FOXP2: variants seen among roughly 807,000 people sequenced by gnomAD.
The protein encoded by FOXP2 is forkhead box protein P2.
In FOXP2, 12 loss-of-function variants were observed where a neutral mutation model predicts 115.8. The ratio of observed to expected loss-of-function variants is 0.10; its 90% CI spans 0.07 to 0.17. The LOEUF is 0.17. Ranked by LOEUF, FOXP2 falls within the 10% of genes least tolerant of loss-of-function variation. The probability of loss-of-function intolerance (pLI) is 1.00; values close to 1 mark genes in which losing one functional copy is unlikely to be tolerated. For synonymous variants in FOXP2, 328 were observed against 297.7 expected (o/e 1.10, Z -1.05); for missense variants, 629 against 843.5 (o/e 0.75, Z 3.15).
chr7:114,519,997 A>G (rs1313646390), intron 2 of FOXP2, among the ~76,000 whole-genome samples: 1 of 152,154 alleles, frequency 6.6e-6, no homozygotes, highest in Non-Finnish European at 1.5e-5. Flanking sequence ...GTATGATAAA[A>G]CAGCTTACAT....
intron 2 of FOXP2, among the ~76,000 whole-genome samples, chr7:114,292,600 T>A (rs1796634588): frequency 6.6e-6 from 1 of 152,202 alleles, no homozygotes; most frequent in South Asian, 2.1e-4. Flanking sequence ...CCATTCTTTA[T>A]CTTTTTAAAG....
intron 1 of FOXP2, among the ~76,000 whole-genome samples, chr7:114,256,395 C>T (rs1795614401): frequency 6.6e-6 from 1 of 152,198 alleles, no homozygotes; most frequent in African/African-American, 2.4e-5. Flanking sequence ...GTGTGAGCCA[C>T]CATGCCCAGC....
intron 1 of FOXP2, among the ~76,000 whole-genome samples, chr7:114,098,825 A>G (rs956782386): frequency 1.3e-5 from 2 of 152,218 alleles, no homozygotes; most frequent in African/African-American, 4.8e-5. Context: ...AAAGGTTAAT[A>G]TCCAAAATTT....
At chr7:114,611,555 A>G (rs375911570) in intron 3 of FOXP2, among the ~76,000 whole-genome samples, 2 of 152,222 alleles carry the variant, frequency 1.3e-5, no homozygotes, top group East Asian at 3.8e-4. Flanking sequence ...AAAAACAACT[A>G]TAGAAGAATA....
At chr7:114,426,744 T>A (rs911289206) in intron 2 of FOXP2, 65 bp downstream of exon 2, 2 of 1,496,306 alleles carry the variant, frequency 1.3e-6, no homozygotes, top group Admixed American at 3.6e-5. Flanking sequence ...ATATGAAAAA[T>A]GTATTCATAG....
intron 1 of FOXP2, among the ~76,000 whole-genome samples, chr7:114,213,238 A>T (rs1794403380): frequency 6.6e-6 from 1 of 152,214 alleles, no homozygotes; most frequent in African/African-American, 2.4e-5. Context: ...TGTTACAGGA[A>T]GAAATATGTT....
intron 16 of FOXP2, chr7:114,668,585 C>T (rs1026797400): frequency 6.6e-6 from 1 of 152,150 alleles, no homozygotes; most frequent in African/African-American, 2.4e-5. Context: ...GCACTCTGCT[C>T]CACACTTCTA....
At chr7:114,272,262 C>T (rs1796082523) in intron 1 of FOXP2, among the ~76,000 whole-genome samples, 1 of 150,968 alleles carries the variant, frequency 6.6e-6, no homozygotes, top group Non-Finnish European at 1.5e-5. Flanking sequence ...ATAATTTTTA[C>T]ACAATATTGG....
At chr7:114,352,642 T>G (rs187370600) in intron 2 of FOXP2, among the ~76,000 whole-genome samples, 1 of 152,284 alleles carries the variant, frequency 6.6e-6, no homozygotes, top group East Asian at 1.9e-4. Context: ...CCTTAGCTTG[T>G]AGTGTGTTTT....
chr7:114,349,117 G>A (rs1352539436), intron 2 of FOXP2, among the ~76,000 whole-genome samples: 1 of 151,950 alleles, frequency 6.6e-6, no homozygotes, highest in African/African-American at 2.4e-5. Context: ...CAATGCTTGT[G>A]ACTTTACTAT....
At chr7:114,432,814 A>C (rs1794173535) in intron 2 of FOXP2, among the ~76,000 whole-genome samples, 1 of 151,974 alleles carries the variant, frequency 6.6e-6, no homozygotes, top group African/African-American at 2.4e-5. Context: ...ATGACACTAA[A>C]GATATATGAT....
At position 114,248,141 on chromosome 7, in the gene FOXP2, G is replaced by A. The variant is rs978842841; in HGVS notation, c.-101-39878G>A. On this transcript the variant is annotated intron_variant, in intron 1 of 17. Coordinates refer to the FOXP2 transcript ENST00000634411. ...CTCCAATGGTATAAGTTCAGTCTGTGTCTGAAGGCAGGAGAAGACCAGTGT... is the reference window on the plus strand; with the variant it reads ...CTCCAATGGTATAAGTTCAGTCTGTATCTGAAGGCAGGAGAAGACCAGTGT... 3.3e-5 allele frequency among the ~76,000 whole-genome samples: 5 copies of A among 151,958 alleles called. No individual in the cohort carries two copies. The South Asian group carries it at 1.0e-3, about 32-fold the overall frequency.
At chr7:114,153,617 G>A (rs776915) in intron 1 of FOXP2, among the ~76,000 whole-genome samples, 2 of 152,042 alleles carry the variant, frequency 1.3e-5, no homozygotes, top group East Asian at 1.9e-4. Context: ...TCTTGACATA[G>A]TGCATTATAT....
rs533377198 is a variant in FOXP2, at chr7:114,272,527, G to T, written c.-101-15492G>T. Among the ~76,000 whole-genome samples the T allele has an allele frequency of 4.6e-5, 7 of 151,916 alleles. No individual in the cohort carries two copies. In the East Asian group the frequency reaches 1.4e-3, roughly 29 times the overall value. ...AGGGGCCTGGTGCTTTCTATTTTGGGAGGTAATTAATTATTGACTCAATTT... is the reference window on the plus strand; with the variant it reads ...AGGGGCCTGGTGCTTTCTATTTTGGTAGGTAATTAATTATTGACTCAATTT... On this transcript the variant is annotated intron_variant, in intron 1 of 17. Coordinates refer to the FOXP2 transcript ENST00000634411.
chr7:114,580,597 C>G (rs1228086227), intron 3 of FOXP2, among the ~76,000 whole-genome samples: 1 of 147,622 alleles, frequency 6.8e-6, no homozygotes, highest in Non-Finnish European at 1.5e-5. Flanking sequence ...AAAACAAAAA[C>G]AAAACAAAAC....
At chr7:114,435,372 A>G (rs1328433953) in intron 2 of FOXP2, among the ~76,000 whole-genome samples, 1 of 152,162 alleles carries the variant, frequency 6.6e-6, no homozygotes, top group Non-Finnish European at 1.5e-5. Flanking sequence ...GGAAAAGGGT[A>G]CACAAAGACA....
At chr7:114,469,774 A>T (rs552739728) in intron 2 of FOXP2, among the ~76,000 whole-genome samples, 1 of 152,194 alleles carries the variant, frequency 6.6e-6, no homozygotes, top group South Asian at 2.1e-4. Context: ...ATCTGTAATA[A>T]TTTTTTGCAA....
chr7:114,369,974 A>G (rs1001591058), intron 2 of FOXP2, among the ~76,000 whole-genome samples: 1 of 152,200 alleles, frequency 6.6e-6, no homozygotes, highest in African/African-American at 2.4e-5. Context: ...ACTCATAGAA[A>G]TACATTATGA....
Position 114,294,482 on chromosome 7 carries a change from G to A in FOXP2, c.-11+6373G>A, listed in dbSNP as rs115221419. ...ATTGAGCTCACTAGAAAAATAATACGTTTGGTTTCCAGAAAAGTGAATTGA... is the reference window on the plus strand; with the variant it reads ...ATTGAGCTCACTAGAAAAATAATACATTTGGTTTCCAGAAAAGTGAATTGA... On this transcript the variant is annotated intron_variant, in intron 2 of 17. Coordinates refer to the FOXP2 transcript ENST00000634411. 4.3e-4 allele frequency among the ~76,000 whole-genome samples: 65 copies of A among 152,110 alleles called. 1 individual carries two copies. The South Asian group carries it at 9.2e-3, about 21-fold the overall frequency.
Sources: gnomAD v4.1 joint callset for allele counts (sites outside exome capture counted in the v4.1 genomes callset) on GRCh38, gnomAD v4.1.1 for gene constraint, MANE v1.5 for transcripts, NCBI Gene and HGNC (gene_info 2026-07-23, HGNC 2026-07-21) for gene names.